Variants in PARD3B observed in about 807,000 individuals in gnomAD.
The protein encoded by PARD3B is partitioning defective 3 homolog B.
A neutral mutation model predicts 130.2 loss-of-function variants in PARD3B; 103 were observed. The ratio of observed to expected loss-of-function variants is 0.79; its 90% confidence interval spans 0.67 to 0.93. The LOEUF (loss-of-function observed/expected upper bound fraction) is 0.93, where lower values mean the gene tolerates loss of function less well. PARD3B is among the 40% of genes least tolerant of loss of function. PARD3B has a pLI of 0.00. For missense variants in PARD3B, 1,609 were observed against 1,499.2 expected (o/e 1.07, Z -1.21); for synonymous variants, 583 against 553.2 (o/e 1.05, Z -0.76).
chr2:205,531,077 C>A (rs1187058317), intron 21 of PARD3B, among the ~76,000 whole-genome samples: 3 of 152,218 alleles, frequency 2.0e-5, no homozygotes, highest in African/African-American at 4.8e-5. Flanking sequence ...TGCATACTCT[C>A]TGCAAGAAGA....
chr2:204,632,637 C>G (rs1321384296), intron 1 of PARD3B, among the ~76,000 whole-genome samples: 1 of 152,114 alleles, frequency 6.6e-6, no homozygotes, highest in Non-Finnish European at 1.5e-5. Context: ...GTGTTGTGCC[C>G]AAGGCCCTGG....
chr2:205,202,183 TTAG>T (rs1425660641), intron 15 of PARD3B, among the ~76,000 whole-genome samples: 10 of 152,186 alleles, frequency 6.6e-5, no homozygotes, highest in Non-Finnish European at 1.5e-4. Context: ...TTATAGACTA[TTAG>T]TAGTAGTAAC....
chr2:205,388,436 T>C (rs2045738180), intron 18 of PARD3B, among the ~76,000 whole-genome samples: 1 of 152,186 alleles, frequency 6.6e-6, no homozygotes, highest in Non-Finnish European at 1.5e-5. Context: ...AGACTATAAA[T>C]CAATTTCTGA....
At chr2:205,035,880 TAA>T (rs1697823911) in intron 3 of PARD3B, among the ~76,000 whole-genome samples, 1 of 133,920 alleles carries the variant, frequency 7.5e-6, no homozygotes, top group African/African-American at 2.8e-5. Context: ...ATAAAATATA[TAA>T]TATATATAAT....
intron 18 of PARD3B, among the ~76,000 whole-genome samples, chr2:205,382,781 C>A (rs1241533709): frequency 6.6e-6 from 1 of 152,032 alleles, no homozygotes. Flanking sequence ...GGGTTATAAT[C>A]TAGGCCTATC....
At position 205,281,205 on chromosome 2, in the gene PARD3B, G is replaced by A. The variant is rs1159278563; in HGVS notation, c.2186-19325G>A. ...ATTCCATGACTGTGATAGCAGACAG[G>A]TGCAAGAAAGAAGGGGCAGGTCTAA... is the stretch of plus-strand genomic sequence containing the variant. On this transcript the variant is annotated intron_variant, in intron 16 of 22. Coordinates refer to ENST00000406610, the MANE Select transcript of PARD3B (RefSeq NM_001302769.2). This position sits in a 1 kb window ranked among gnomAD's most constrained non-coding sequence, Gnocchi z 4.2. Among the ~76,000 whole-genome samples, 1 of 152,176 alleles carries A rather than the reference G, an allele frequency of 6.6e-6. No homozygotes were observed. Among genetic ancestry groups the A allele is most frequent in the Non-Finnish European group, 1.5e-5 (1 of 68,032 alleles).
chr2:205,393,459 C>A (rs781623841), intron 18 of PARD3B, among the ~76,000 whole-genome samples: 1 of 152,136 alleles, frequency 6.6e-6, no homozygotes, highest in Admixed American at 6.5e-5. Flanking sequence ...TTAATAGTAG[C>A]GATGACTAGA....
At chr2:205,190,928 C>A (rs2036359780) in intron 14 of PARD3B, among the ~76,000 whole-genome samples, 1 of 151,960 alleles carries the variant, frequency 6.6e-6, no homozygotes, top group South Asian at 2.1e-4. Flanking sequence ...TGCTATTAGG[C>A]CAGGCTAGTG....
intron 1 of PARD3B, among the ~76,000 whole-genome samples, chr2:204,652,213 G>A (rs767214042): frequency 9.2e-5 from 14 of 151,952 alleles, no homozygotes; most frequent in East Asian, 5.8e-4. Context: ...ATGGCCAGGC[G>A]CAAATTTTCC....
intron 3 of PARD3B, among the ~76,000 whole-genome samples, chr2:205,046,249 C>A (rs1358224838): frequency 1.3e-5 from 2 of 150,798 alleles, no homozygotes; most frequent in Non-Finnish European, 3.0e-5. Context: ...TTCTACTCTT[C>A]TTGTTTTTTT....
chr2:205,000,885 A>C (rs912935107), intron 3 of PARD3B, among the ~76,000 whole-genome samples: 1 of 151,988 alleles, frequency 6.6e-6, no homozygotes, highest in African/African-American at 2.4e-5. Flanking sequence ...TTAGGGCCTT[A>C]GGGTTTTTTG....
intron 16 of PARD3B, among the ~76,000 whole-genome samples, chr2:205,259,400 G>C (rs983391959): frequency 6.6e-6 from 1 of 151,970 alleles, no homozygotes; most frequent in Non-Finnish European, 1.5e-5. Flanking sequence ...TTCTTCTATT[G>C]TCTTATGGCT....
At position 205,405,587 on chromosome 2, in the gene PARD3B, T is replaced by C. The variant is rs1315237770; in HGVS notation, c.2741+4464T>C. ...ACATTACTGATGAATATCCCATCAA[T>C]CTAAGCTTGCAAGAATAATTTTTTT... is the stretch of plus-strand genomic sequence containing the variant. On this transcript the variant is annotated intron_variant, in intron 19 of 22. Coordinates refer to ENST00000406610, the MANE Select transcript of PARD3B (RefSeq NM_001302769.2). This position sits in a 1 kb window ranked among gnomAD's most constrained non-coding sequence, Gnocchi z 4.1. Among the ~76,000 whole-genome samples the C allele has an allele frequency of 6.6e-6, 1 of 152,210 alleles. No homozygotes were observed. Among genetic ancestry groups the C allele is most frequent in the Admixed American group, 6.5e-5 (1 of 15,276 alleles).
At chr2:205,424,963 T>C (rs554508937) in intron 19 of PARD3B, among the ~76,000 whole-genome samples, 1 of 152,336 alleles carries the variant, frequency 6.6e-6, no homozygotes, top group East Asian at 1.9e-4. Context: ...TTCTTGCCAC[T>C]TACAAATGTC....
At chr2:205,062,252 C>T (rs1251279819) in intron 4 of PARD3B, among the ~76,000 whole-genome samples, 5 of 152,028 alleles carry the variant, frequency 3.3e-5, no homozygotes, top group South Asian at 4.2e-4. Context: ...ATAATACGTT[C>T]GTTGAGGTCG....
At chr2:204,740,850 G>C (rs1401154936) in intron 2 of PARD3B, among the ~76,000 whole-genome samples, 2 of 152,114 alleles carry the variant, frequency 1.3e-5, no homozygotes, top group African/African-American at 4.8e-5. Flanking sequence ...AATAGAACAT[G>C]TCCCAATATT....
chr2:204,965,344 A>G (rs201768144), intron 3 of PARD3B, 21 bp downstream of exon 3: 1 of 1,607,606 alleles, frequency 6.2e-7, no homozygotes, highest in East Asian at 2.2e-5. Flanking sequence ...TGTTTATGAT[A>G]TTCTTTTCAC....
chr2:204,819,788 AGTC>A (rs2043273711), intron 2 of PARD3B, among the ~76,000 whole-genome samples: 1 of 152,212 alleles, frequency 6.6e-6, no homozygotes, highest in Non-Finnish European at 1.5e-5. Context: ...AAGGTTGAGT[AGTC>A]TAGATAGAAA....
chr2:205,160,921 A>G lies in PARD3B; in HGVS notation c.1620+2014A>G, dbSNP rs181042734. ...TGCTGCACTGAAATGAAGCTCTTCC[A>G]TATGATCCATTCATGTTCCTAGAGA... On this transcript the variant is annotated intron_variant, in intron 11 of 22. Transcript: ENST00000406610. This position sits in a 1 kb window ranked among gnomAD's most constrained non-coding sequence, Gnocchi z 4.0. 1.3e-5 allele frequency among the ~76,000 whole-genome samples: 2 copies of G among 152,298 alleles called. No homozygotes were observed. The highest frequency in any genetic ancestry group is 1.9e-4 in the East Asian group (1 of 5,166).
Sources: allele counts gnomAD v4.1 joint callset (sites outside exome capture counted in the v4.1 genomes callset), GRCh38; gene constraint gnomAD v4.1.1; non-coding constraint Gnocchi (gnomAD v3.1); transcripts MANE v1.5; gene names NCBI Gene and HGNC (gene_info 2026-07-23, HGNC 2026-07-21).